NRK: variants seen among roughly 807,000 people sequenced by gnomAD.
The protein encoded by NRK is Nik related kinase.
A neutral mutation model predicts 125.2 loss-of-function variants in NRK; 67 were observed. The observed-to-expected ratio is 0.54, with a 90% CI of 0.44 to 0.66. NRK has a LOEUF of 0.66. NRK is among the 30% of genes least tolerant of loss of function. NRK has a pLI of 0.00. For synonymous variants in NRK, 458 were observed against 429.0 expected, an observed-to-expected ratio of 1.07 and a Z score of -0.84; for missense variants, 1,224 against 1,192.9, an observed-to-expected ratio of 1.03 and a Z score of -0.38.
rs1433414160 is a variant in NRK, at chrX:105,949,723, C to T, written c.4502C>T (p.Pro1501Leu). The change falls in exon 27 of 29, where the codon CCA (proline) becomes CTA (leucine). Residue 1501 changes from proline (P) to leucine (L), a missense_variant. By Grantham distance (98) the Pro-to-Leu change is moderately conservative. Transcript: ENST00000243300. ...ATCCTTGAAATGTGGAAAGACATAC[C>T]ATCTTCTATAGGTATGTATACAATT... The part of the protein sequence containing the change: ...KKILEMWKDI[P>L]SSIAFECTQR... 2.5e-6 allele frequency: 3 copies of T among 1,186,860 alleles called. No homozygotes were observed. The highest frequency in any genetic ancestry group is 1.8e-5 in the African/African-American group (1 of 56,995).
rs1411310403 is a variant in NRK, at chrX:105,888,339, T to A, written c.298T>A (p.Tyr100Asn). Residue 100 changes from tyrosine to asparagine, a missense_variant, in exon 5 of 29, where the codon TAC becomes AAC. Coordinates refer to ENST00000243300, the MANE Select transcript of NRK (RefSeq NM_198465.4). ...GACTGAACTCAACCTTCTGAGGAAG[T>A]ACTCTTTCCACAAAAACATTGTGTC... The part of the protein sequence containing the change: ...LRTELNLLRK[Y>N]SFHKNIVSFY... The A allele has an allele frequency of 8.4e-7, 1 of 1,194,197 alleles. No homozygotes were observed. The highest frequency in any genetic ancestry group is 2.2e-5 in the Admixed American group (1 of 45,142).
chrX:105,942,793 A>ATT (rs1192382937), intron 23 of NRK, among the ~76,000 whole-genome samples: 1 of 102,311 alleles, frequency 9.8e-6, no homozygotes, highest in Non-Finnish European at 2.0e-5. Flanking sequence ...TATTTTTTAT[A>ATT]TTTTTTTTTT....
At chrX:105,850,381 A>G (rs997517280) in intron 2 of NRK, among the ~76,000 whole-genome samples, 1 of 111,662 alleles carries the variant, frequency 9.0e-6, no homozygotes, top group Non-Finnish European at 1.9e-5. Context: ...GGCTGCCATG[A>G]AGGTCTCTGA....
intron 5 of NRK, among the ~76,000 whole-genome samples, chrX:105,891,665 C>T (rs1374919309): frequency 9.0e-6 from 1 of 111,480 alleles, no homozygotes; most frequent in East Asian, 2.8e-4. Context: ...GGGCGTCACT[C>T]ACAGAATTTC....
chrX:105,835,661 G>A (rs2039255312), intron 2 of NRK, among the ~76,000 whole-genome samples: 2 of 106,467 alleles, frequency 1.9e-5, no homozygotes, highest in Admixed American at 2.0e-4. Flanking sequence ...CCCAGCTGCA[G>A]TAGGTCTTCA....
chrX:105,883,718 G>C (rs1390366575), intron 4 of NRK, among the ~76,000 whole-genome samples: 1 of 112,438 alleles, frequency 8.9e-6, no homozygotes, highest in African/African-American at 3.2e-5. Context: ...ATTCAGTCTT[G>C]CCCCTGCTTC....
chrX:105,873,076 A>G (rs1160368241), intron 2 of NRK, among the ~76,000 whole-genome samples: 1 of 111,973 alleles, frequency 8.9e-6, no homozygotes, highest in Non-Finnish European at 1.9e-5. Context: ...CTGCCACCAG[A>G]AAACCGATTG....
chrX:105,930,840 G>A (rs375571851), intron 19 of NRK, among the ~76,000 whole-genome samples: 23 of 111,708 alleles, frequency 2.1e-4, no homozygotes, highest in African/African-American at 6.2e-4. Flanking sequence ...CATTAGCAAC[G>A]TTTGCTAGTA....
At chrX:105,942,629 T>A (rs2040757711) in intron 23 of NRK, among the ~76,000 whole-genome samples, 1 of 111,609 alleles carries the variant, frequency 9.0e-6, no homozygotes, top group South Asian at 3.8e-4. Flanking sequence ...AGAGTCTTTT[T>A]TTCTTTTGAG....
intron 2 of NRK, among the ~76,000 whole-genome samples, chrX:105,861,122 C>T (rs745676220): frequency 9.0e-6 from 1 of 111,575 alleles, no homozygotes; most frequent in Non-Finnish European, 1.9e-5. Flanking sequence ...AATTTCTCCC[C>T]ACCTGCACCA....
chrX:105,953,143 G>A lies in NRK; in HGVS notation c.4623G>A (p.Lys1541=). Residue 1541 remains lysine (K), a synonymous_variant, in exon 28 of 29, where the codon AAG becomes AAA. Transcript: ENST00000243300. The part of the protein sequence containing the change: ...ESELKRRSIK[K]LRFLCTRGDK... ...AGCTGAAGCGCAGGTCAATTAAGAAGCTGAGATTCCTGTGCACCCGGGGTG... is the reference window on the plus strand; with the variant it reads ...AGCTGAAGCGCAGGTCAATTAAGAAACTGAGATTCCTGTGCACCCGGGGTG... The A allele has an allele frequency of 2.5e-6, 3 of 1,193,470 alleles. No individual in the cohort carries two copies. Among genetic ancestry groups the A allele is most frequent in the Middle Eastern group, 4.7e-4 (2 of 4,287 alleles).
At position 105,908,834 on chromosome X, in the gene NRK, G is replaced by C. The variant is rs1228077451; in HGVS notation, c.1193G>C (p.Arg398Pro). Reference sequence around the variant, plus strand: ...TCTCAGCCAAGGTGGCTACCTGATCGAGAAGAGCCACAGGTCCAGGCACTT... The same window carrying C: ...TCTCAGCCAAGGTGGCTACCTGATCCAGAAGAGCCACAGGTCCAGGCACTT... The part of the protein sequence containing the change: ...EPSQPRWLPD[R>P]EEPQVQALQQ... The change falls in exon 13 of 29, where the codon CGA (arginine) becomes CCA (proline). Residue 398 changes from arginine to proline, a missense_variant. Transcript: ENST00000243300. 1 of 1,209,694 alleles carries C rather than the reference G, an allele frequency of 8.3e-7. No individual in the cohort carries two copies. Among genetic ancestry groups the C allele is most frequent in the Admixed American group, 2.2e-5 (1 of 46,014 alleles).
chrX:105,895,152 A>G, intron 6 of NRK: 1 of 480,792 alleles, frequency 2.1e-6, no homozygotes, highest in Non-Finnish European at 3.6e-6. Flanking sequence ...CTAAAAAGGA[A>G]GGTAAAGTGG....
chrX:105,952,227 A>G (rs2040908958), intron 27 of NRK, among the ~76,000 whole-genome samples: 1 of 112,174 alleles, frequency 8.9e-6, no homozygotes, highest in African/African-American at 3.2e-5. Context: ...AAATCTTGAT[A>G]TTATTTTAAA....
intron 1 of NRK, among the ~76,000 whole-genome samples, chrX:105,823,372 T>G (rs1033981152): frequency 8.9e-6 from 1 of 111,788 alleles, no homozygotes; most frequent in Non-Finnish European, 1.9e-5. Context: ...GACCTTTACT[T>G]TAGGTGACAG....
At chrX:105,857,543 C>T (rs946579102) in intron 2 of NRK, among the ~76,000 whole-genome samples, 3 of 111,297 alleles carry the variant, frequency 2.7e-5, no homozygotes, top group African/African-American at 9.8e-5. Context: ...ATACCCAAAA[C>T]CTATGATAGT....
chrX:105,928,163 G>A (rs917054038), intron 19 of NRK, among the ~76,000 whole-genome samples: 1 of 110,889 alleles, frequency 9.0e-6, no homozygotes, highest in African/African-American at 3.3e-5. Context: ...TGATTCAATC[G>A]CATTATTCAT....
chrX:105,868,041 A>T (rs1050095861), intron 2 of NRK, among the ~76,000 whole-genome samples: 8 of 111,335 alleles, frequency 7.2e-5, no homozygotes, highest in Admixed American at 2.9e-4. Flanking sequence ...ATCTATATTA[A>T]AAATTCCTTA....
At position 105,924,802 on chromosome X, in the gene NRK, A is replaced by T; in HGVS notation, c.3083A>T (p.His1028Leu). The change falls in exon 19 of 29, where the codon CAT becomes CTT. Residue 1028 changes from histidine to leucine, a missense_variant. By Grantham distance (99) the His-to-Leu change is moderately conservative (BLOSUM62 -3). Coordinates refer to ENST00000243300, the MANE Select transcript of NRK (RefSeq NM_198465.4). ...GYGSHTANRS[H>L]GGSAASEDNA... ...GGAAGCCATACAGCCAATAGAAGCCATGGAGGAAGTGCAGCCAGTGAGGAC... is the reference window on the plus strand; with the variant it reads ...GGAAGCCATACAGCCAATAGAAGCCTTGGAGGAAGTGCAGCCAGTGAGGAC... 1 of 1,210,458 alleles carries T rather than the reference A, an allele frequency of 8.3e-7. No individual in the cohort carries two copies. Among genetic ancestry groups the T allele is most frequent in the African/African-American group, 1.7e-5 (1 of 57,855 alleles).
Sources: gnomAD v4.1 joint callset for allele counts (sites outside exome capture counted in the v4.1 genomes callset) on GRCh38, gnomAD v4.1.1 for gene constraint, MANE v1.5 for transcripts, NCBI Gene and HGNC (gene_info 2026-07-23, HGNC 2026-07-21) for gene names.